CABLES1: variants seen among roughly 807,000 people sequenced by gnomAD.
CABLES1 encodes the protein Cdk5 and Abl enzyme substrate 1.
Under a neutral mutation model 57.8 loss-of-function variants are expected in CABLES1, and 36 were observed. The observed-to-expected ratio is 0.62, with a 90% CI of 0.48 to 0.82. The LOEUF is 0.82. CABLES1 is among the 40% of genes least tolerant of loss of function. The pLI is 0.00. For missense variants in CABLES1, 767 were observed against 836.6 expected (o/e 0.92, Z 1.03); for synonymous variants, 374 against 363.0 (o/e 1.03, Z -0.35).
chr18:23,156,075 G>A, intron 1 of CABLES1: 1 of 1,178,726 alleles, frequency 8.5e-7, no homozygotes, highest in African/African-American at 1.5e-5. Flanking sequence ...GGAAAAGCGG[G>A]ATGTCAGTCC....
At position 23,259,129 on chromosome 18, in the gene CABLES1, G is replaced by A. The variant is rs1161888747; in HGVS notation, c.*1762G>A. The A allele has an allele frequency of 1.3e-5, 2 of 152,178 alleles. No individual in the cohort carries two copies. The highest frequency in any genetic ancestry group is 2.1e-4 in the South Asian group (1 of 4,826). The allele number at this position is 152,178 out of a possible 1,614,324, so 9.4% of individuals were successfully genotyped here. On this transcript the variant is annotated 3_prime_UTR_variant, in exon 10 of 10. Transcript: ENST00000256925. The stretch of plus-strand genomic sequence containing the variant: ...AGAAAATATTCAAGGTGCCTCCATC[G>A]CCTGAACTACAAAATGCCCTTGGCC...
chr18:23,200,141 T>C (rs1224865326), intron 3 of CABLES1, among the ~76,000 whole-genome samples: 1 of 152,120 alleles, frequency 6.6e-6, no homozygotes, highest in Non-Finnish European at 1.5e-5. Flanking sequence ...TCCTGGAGAA[T>C]AGAAAGAATT....
chr18:23,248,510 G>GTTTTTTTTTTT, intron 7 of CABLES1, among the ~76,000 whole-genome samples: 1 of 92,354 alleles, frequency 1.1e-5, no homozygotes, highest in Non-Finnish European at 2.1e-5. Flanking sequence ...AAGACCCTAT[G>GTTTTTTTTTTT]TCTTTTTTTT....
chr18:23,146,426 G>A (rs566577138), intron 1 of CABLES1, among the ~76,000 whole-genome samples: 82 of 152,150 alleles, frequency 5.4e-4, no homozygotes, highest in South Asian at 4.6e-3. Flanking sequence ...GGCTTGTCTC[G>A]AACTCCTGAC....
chr18:23,240,116 T>C (rs192750206), intron 7 of CABLES1, among the ~76,000 whole-genome samples: 221 of 152,120 alleles, frequency 1.5e-3, no homozygotes, highest in Non-Finnish European at 2.4e-3. Flanking sequence ...AGACCCTGTC[T>C]CAACAAAACA....
chr18:23,219,211 CTG>C (rs1568072955), intron 4 of CABLES1: 2 of 454,122 alleles, frequency 4.4e-6, no homozygotes, highest in Non-Finnish European at 8.8e-6. Context: ...AAATGTCTCT[CTG>C]TGTGTGGAGC....
At chr18:23,200,968 C>G (rs2047321162) in intron 3 of CABLES1, among the ~76,000 whole-genome samples, 1 of 152,142 alleles carries the variant, frequency 6.6e-6, no homozygotes, top group Non-Finnish European at 1.5e-5. Context: ...TCTCCTGCAG[C>G]ATAGATGAGT....
intron 3 of CABLES1, among the ~76,000 whole-genome samples, chr18:23,202,410 T>C (rs2047331969): frequency 6.6e-6 from 1 of 152,194 alleles, no homozygotes; most frequent in Non-Finnish European, 1.5e-5. Flanking sequence ...TGCCACAGCA[T>C]CTGGAACGGG....
chr18:23,199,919 A>C (rs2047311213), intron 3 of CABLES1, among the ~76,000 whole-genome samples: 1 of 152,208 alleles, frequency 6.6e-6, no homozygotes, highest in Non-Finnish European at 1.5e-5. Context: ...CAATGGTCAG[A>C]AGCAGAAGGG....
chr18:23,147,562 T>A (rs527802291), intron 1 of CABLES1, among the ~76,000 whole-genome samples: 1 of 152,216 alleles, frequency 6.6e-6, no homozygotes, highest in South Asian at 2.1e-4. Context: ...TCTGCTCTGA[T>A]CGTGAGGAGC....
intron 1 of CABLES1, among the ~76,000 whole-genome samples, chr18:23,162,200 G>T (rs1201664812): frequency 6.6e-6 from 1 of 151,734 alleles, no homozygotes; most frequent in African/African-American, 2.4e-5. Flanking sequence ...ATGCTTTACA[G>T]GTGTTTATGA....
chr18:23,167,204 T>A lies in CABLES1; in HGVS notation c.846-21634T>A, dbSNP rs2047048849. Among the ~76,000 whole-genome samples, 4 of 152,284 alleles carry A rather than the reference T, an allele frequency of 2.6e-5. No individual in the cohort carries two copies. The South Asian group carries it at 8.3e-4, about 32-fold the overall frequency. ...TAATGGTTATTTCAATTCTGCATCT[T>A]TTTTTATTAAATTTAAAAAAAAAAT... On this transcript the variant is annotated intron_variant, in intron 1 of 9. Transcript: ENST00000256925.
chr18:23,252,445 C>T (rs1251033499), intron 7 of CABLES1, among the ~76,000 whole-genome samples: 1 of 152,182 alleles, frequency 6.6e-6, no homozygotes, highest in Non-Finnish European at 1.5e-5. Flanking sequence ...TTGCTGTAGG[C>T]CAGGCACTGT....
chr18:23,135,903 G>T lies in CABLES1; in HGVS notation c.141G>T (p.Pro47=). Residue 47 remains proline (P), a synonymous_variant, in exon 1 of 10, where the codon CCG becomes CCT. Coordinates refer to ENST00000256925, the MANE Select transcript of CABLES1 (RefSeq NM_001100619.3). The part of the protein sequence containing the change: ...PQPAAAAPAQ[P]PPEPPRKPRM... Reference sequence around the variant, plus strand: ...CCGCGGCCGCCGCGCCGGCCCAGCCGCCGCCCGAACCCCCCCGGAAGCCGC... The same window carrying T: ...CCGCGGCCGCCGCGCCGGCCCAGCCTCCGCCCGAACCCCCCCGGAAGCCGC... The T allele has an allele frequency of 1.9e-6, 2 of 1,074,094 alleles. No individual in the cohort carries two copies. The highest frequency in any genetic ancestry group is 2.2e-6 in the Non-Finnish European group (2 of 891,336). The allele number at this position is 1,074,094 out of a possible 1,614,324, so 66.5% of individuals were successfully genotyped here.
intron 3 of CABLES1, among the ~76,000 whole-genome samples, chr18:23,200,405 A>T (rs577449567): frequency 6.6e-6 from 1 of 151,930 alleles, no homozygotes; most frequent in South Asian, 2.1e-4. Flanking sequence ...GACTACAGGC[A>T]CCCGCCACCA....
chr18:23,192,801 T>C (rs1009594250), intron 2 of CABLES1, among the ~76,000 whole-genome samples: 20 of 152,336 alleles, frequency 1.3e-4, no homozygotes, highest in African/African-American at 4.8e-4. Flanking sequence ...GCAGTCATTC[T>C]GGAGGAAGAA....
At chr18:23,196,516 G>A (rs1237288988) in intron 3 of CABLES1, among the ~76,000 whole-genome samples, 5 of 152,202 alleles carry the variant, frequency 3.3e-5, no homozygotes, top group Non-Finnish European at 7.3e-5. Flanking sequence ...GAAGGAAATT[G>A]TAGTCGAGAG....
intron 7 of CABLES1, among the ~76,000 whole-genome samples, chr18:23,239,232 T>A (rs2047676902): frequency 6.6e-6 from 1 of 152,246 alleles, no homozygotes; most frequent in Non-Finnish European, 1.5e-5. Flanking sequence ...CCTGCCCTCC[T>A]CATTTGATGT....
intron 1 of CABLES1, among the ~76,000 whole-genome samples, chr18:23,180,004 C>T (rs574494414): frequency 8.5e-5 from 13 of 152,234 alleles, no homozygotes; most frequent in Non-Finnish European, 1.6e-4. Flanking sequence ...CTGCAAGCTC[C>T]GCCTCCCGGG....
Sources: gnomAD v4.1 joint callset for allele counts (sites outside exome capture counted in the v4.1 genomes callset) on GRCh38, gnomAD v4.1.1 for gene constraint, MANE v1.5 for transcripts, NCBI Gene and HGNC (gene_info 2026-07-23, HGNC 2026-07-21) for gene names.